COL11A1: variants seen among roughly 807,000 people sequenced by gnomAD.
The protein encoded by COL11A1 is collagen type XI alpha 1 chain.
In COL11A1, 74 loss-of-function variants were observed where a neutral mutation model predicts 265.2. The ratio of observed to expected loss-of-function variants is 0.28; its 90% CI spans 0.23 to 0.34. The LOEUF (loss-of-function observed/expected upper bound fraction) is 0.34. COL11A1 is among the 10% of genes least tolerant of loss of function. COL11A1 has a pLI of 1.00. For missense variants in COL11A1, 2,165 were observed against 2,263.6 expected (o/e 0.96, Z 0.88); for synonymous variants, 816 against 727.6 (o/e 1.12, Z -1.96).
intron 4 of COL11A1, among the ~76,000 whole-genome samples, chr1:103,047,547 A>C (rs1484189136): frequency 6.6e-6 from 1 of 152,164 alleles, no homozygotes; most frequent in East Asian, 1.9e-4. Context: ...TGTCATCTGC[A>C]AACAGGGACA....
chr1:102,888,248 T>A (rs1398784128), intron 62 of COL11A1, among the ~76,000 whole-genome samples: 1 of 152,186 alleles, frequency 6.6e-6, no homozygotes, highest in Non-Finnish European at 1.5e-5. Flanking sequence ...TGAATTTTTG[T>A]CATTATTCCT....
rs11164644 is a variant in COL11A1 at position 102,955,274 on chromosome 1, A to G, written c.3168+6592T>C. ...ATGAAGAAAAAAAAATAAGAGGAAT[A>G]GGAATTATGATAGGAAGAGAATGTG... On this transcript the variant is annotated intron_variant, in intron 41 of 66. Transcript: ENST00000370096. 2.0e-3 allele frequency among the ~76,000 whole-genome samples: 307 copies of G among 152,346 alleles called. 3 individuals carry two copies. The highest frequency in any genetic ancestry group is 7.0e-3 in the African/African-American group (293 of 41,586).
At chr1:103,006,182 T>TAAATAAATAAATAAAC in intron 16 of COL11A1, 61 bp from the exon 17 acceptor site, 1 of 1,094,068 alleles carries the variant, frequency 9.1e-7, no homozygotes, top group Non-Finnish European at 1.2e-6. Flanking sequence ...GGAAGTAAAA[T>TAAATAAATAAATAAAC]AAATAAATAA....
At position 103,017,823 on chromosome 1, in the gene COL11A1, A is replaced by T. The variant is rs529233816; in HGVS notation, c.1410T>A (p.Asp470Glu). ...GPTGPPGDPGDRGPPGRPGLP... is the reference protein window; with the variant it reads ...GPTGPPGDPGERGPPGRPGLP... ...GATATCATGTCCATTCACTTACCCT[A>T]TCGCCAGGGTCACCAGGGGGTCCAG... The change falls in exon 11 of 67, where the codon GAT becomes GAA. Residue 470 changes from aspartate (D) to glutamate (E), a missense_variant. Asp to Glu is a conservative substitution (Grantham distance 45). Coordinates refer to ENST00000370096, the MANE Select transcript of COL11A1 (RefSeq NM_001854.4). 2 of 1,612,010 alleles carry T rather than the reference A, an allele frequency of 1.2e-6. No individual in the cohort carries two copies. The highest frequency in any genetic ancestry group is 2.7e-5 in the African/African-American group (2 of 74,968).
intron 13 of COL11A1, among the ~76,000 whole-genome samples, chr1:103,014,015 G>A (rs2101897032): frequency 6.6e-6 from 1 of 151,928 alleles, no homozygotes; most frequent in African/African-American, 2.4e-5. Context: ...TAAAGATTAG[G>A]GTTGGTAAGA....
At chr1:102,969,449 G>T (rs1446516965) in intron 37 of COL11A1, among the ~76,000 whole-genome samples, 2 of 152,230 alleles carry the variant, frequency 1.3e-5, no homozygotes, top group East Asian at 3.9e-4. Context: ...TGAGAAGCAA[G>T]AATTGATTCC....
At position 103,006,252 on chromosome 1, in the gene COL11A1, T is replaced by C. The variant is rs749014333; in HGVS notation, c.1737+10A>G. 13 of 1,604,420 alleles carry C rather than the reference T, an allele frequency of 8.1e-6. 1 individual carries two copies. In the South Asian group the frequency reaches 1.3e-4, roughly 16 times the overall value. On this transcript the variant is annotated intron_variant, in intron 16 of 66. Transcript: ENST00000370096. Reference sequence around the variant, plus strand: ...ATGCCTTCAAAATGCACAATGAAAATAAGCCATACCCTTTTTCCAGGTTTT... The same window carrying C: ...ATGCCTTCAAAATGCACAATGAAAACAAGCCATACCCTTTTTCCAGGTTTT...
At chr1:102,960,296 A>G (rs1324706640) in intron 41 of COL11A1, among the ~76,000 whole-genome samples, 1 of 152,168 alleles carries the variant, frequency 6.6e-6, no homozygotes, top group Admixed American at 6.5e-5. Flanking sequence ...GCTATATAAA[A>G]TTTATTCCAA....
At chr1:102,990,011 C>T in intron 28 of COL11A1, among the ~76,000 whole-genome samples, 1 of 152,006 alleles carries the variant, frequency 6.6e-6, no homozygotes, top group East Asian at 1.9e-4. Flanking sequence ...CATGGCAAAA[C>T]CCATCTCTAC....
chr1:102,997,823 A>G (rs1016197643), intron 25 of COL11A1, among the ~76,000 whole-genome samples: 4 of 151,996 alleles, frequency 2.6e-5, no homozygotes, highest in African/African-American at 9.7e-5. Context: ...TAGAAAAGAA[A>G]GAAATCTGTG....
At chr1:103,028,257 C>T (rs928129854) in intron 5 of COL11A1, among the ~76,000 whole-genome samples, 7 of 152,096 alleles carry the variant, frequency 4.6e-5, no homozygotes, top group African/African-American at 1.7e-4. Flanking sequence ...TGCTCTTGAA[C>T]TCCTGACCTC....
intron 41 of COL11A1, among the ~76,000 whole-genome samples, chr1:102,955,375 G>T (rs953249824): frequency 5.3e-5 from 8 of 152,096 alleles, no homozygotes; most frequent in African/African-American, 1.9e-4. Flanking sequence ...TGGGGGGATG[G>T]TCACATAATA....
intron 3 of COL11A1, among the ~76,000 whole-genome samples, chr1:103,075,566 T>C (rs753436302): frequency 6.6e-6 from 1 of 152,192 alleles, no homozygotes; most frequent in Non-Finnish European, 1.5e-5. Flanking sequence ...GCCAGCCCTT[T>C]GGAAATGCAC....
At position 103,054,290 on chromosome 1, in the gene COL11A1, T is replaced by C. The variant is rs565688232; in HGVS notation, c.651+20328A>G. Among the ~76,000 whole-genome samples, 297 of 152,278 alleles carry C rather than the reference T, an allele frequency of 2.0e-3. 1 individual carries two copies. Among genetic ancestry groups the C allele is most frequent in the Middle Eastern group, 3.4e-3 (1 of 294 alleles). On this transcript the variant is annotated intron_variant, in intron 4 of 66. Coordinates refer to ENST00000370096, the MANE Select transcript of COL11A1 (RefSeq NM_001854.4). ...CCACAGCTACATTGCGAAATGCACA[T>C]GCGAACCAAAGATCTACAGACAAGA...
chr1:102,877,909 G>T lies in COL11A1; in HGVS notation c.*110C>A. 1.9e-6 allele frequency: 2 copies of T among 1,057,624 alleles called. No individual in the cohort carries two copies. The highest frequency in any genetic ancestry group is 1.6e-5 in the African/African-American group (1 of 64,204). The allele number at this position is 1,057,624 out of a possible 1,614,324, so 65.5% of individuals were successfully genotyped here. ...TATTTCCTAAATGGTACCTGTATAT[G>T]CAGCGTTGTTTTCTATACCATCCTT... On this transcript the variant is annotated 3_prime_UTR_variant, in exon 67 of 67. Transcript: ENST00000370096.
intron 1 of COL11A1, among the ~76,000 whole-genome samples, chr1:103,094,971 A>G (rs771041903): frequency 4.6e-5 from 7 of 152,186 alleles, no homozygotes; most frequent in Non-Finnish European, 8.8e-5. Context: ...ACTACTTTCT[A>G]GGTAGCCATC....
chr1:102,887,188 G>T, intron 62 of COL11A1, 132 bp from the exon 63 acceptor site: 1 of 1,059,872 alleles, frequency 9.4e-7, no homozygotes, highest in Non-Finnish European at 1.4e-6. Flanking sequence ...CAAAATTTAT[G>T]CTATAGGATA....
intron 65 of COL11A1, among the ~76,000 whole-genome samples, chr1:102,880,256 T>A (rs1650063291): frequency 6.6e-6 from 1 of 152,092 alleles, no homozygotes; most frequent in Admixed American, 6.6e-5. Context: ...GAAAAAAAAA[T>A]TGGTAAAATA....
rs148464130 is a variant in COL11A1 at position 102,946,898 on chromosome 1, C to T, written c.3227G>A (p.Arg1076His). 6.0e-5 allele frequency: 97 copies of T among 1,613,580 alleles called. No homozygotes were observed. Among genetic ancestry groups the T allele is most frequent in the Admixed American group, 8.3e-5 (5 of 59,908 alleles). ...GTAGPIGLPG[R>H]PGPQGPPGPA... ...ACCAGGAGGACCCTGAGGTCCCGGGCGCCCTGGTAAACCAATTGGGCCAGC... is the reference window on the plus strand; with the variant it reads ...ACCAGGAGGACCCTGAGGTCCCGGGTGCCCTGGTAAACCAATTGGGCCAGC... Residue 1076 changes from arginine to histidine, a missense_variant, in exon 42 of 67, where the codon CGC becomes CAC. Coordinates refer to ENST00000370096, the MANE Select transcript of COL11A1 (RefSeq NM_001854.4).
Sources: gnomAD v4.1 joint callset for allele counts (sites outside exome capture counted in the v4.1 genomes callset) on GRCh38, gnomAD v4.1.1 for gene constraint, MANE v1.5 for transcripts, NCBI Gene and HGNC (gene_info 2026-07-23, HGNC 2026-07-21) for gene names.